DDX4: variants seen among roughly 807,000 people sequenced by gnomAD.
DDX4 encodes the protein DEAD-box helicase 4, also known as probable ATP-dependent RNA helicase DDX4.
DDX4 carries 25 observed loss-of-function variants against 100.0 expected under a neutral mutation model. The ratio of observed to expected loss-of-function variants is 0.25; its 90% CI spans 0.18 to 0.35. DDX4 has a LOEUF of 0.35. Ranked by LOEUF, DDX4 falls within the 10% of genes least tolerant of loss-of-function variation. DDX4 has a pLI of 1.00. For missense variants in DDX4, 635 were observed against 882.4 expected (o/e 0.72, Z 3.55); for synonymous variants, 259 against 275.7 (o/e 0.94, Z 0.60).
intron 17 of DDX4, among the ~76,000 whole-genome samples, chr5:55,796,785 C>T (rs1742968103): frequency 7.1e-6 from 1 of 141,750 alleles, no homozygotes; most frequent in Non-Finnish European, 1.5e-5. Flanking sequence ...GATCAAGCTT[C>T]AAACTTGAAG....
chr5:55,785,479 A>G lies in DDX4; in HGVS notation c.706A>G (p.Ser236Gly). 6.2e-7 allele frequency: 1 copy of G among 1,606,202 alleles called. No individual in the cohort carries two copies. Among genetic ancestry groups the G allele is most frequent in the African/African-American group, 1.3e-5 (1 of 74,824 alleles). The change falls in exon 12 of 22, where the codon AGT becomes GGT. Residue 236 changes from serine to glycine, a missense_variant. Physicochemically the swap from Ser to Gly is moderately conservative, Grantham distance 56. Transcript: ENST00000505374. ...SWKSEAEGGE[S>G]SDTQGPKVTY... is the part of the protein sequence containing the mutation. ...GAAGTCAGAAGCAGAAGGAGGAGAA[A>G]GTAGTGATACTCAAGGTATATTAAC...
chr5:55,760,251 C>T lies in DDX4; in HGVS notation c.179C>T (p.Ala60Val). The change falls in exon 4 of 22, where the codon GCC becomes GTC. Residue 60 changes from alanine (A) to valine (V), a missense_variant. By Grantham distance (64) the Ala-to-Val change is moderately conservative (BLOSUM62 0). Transcript: ENST00000505374. ...GATCATTTCATGAAAAGTGGATTTG[C>T]CTCTGGGCGGAATTTTGGAAACAGA... ...RRDHFMKSGF[A>V]SGRNFGNRDA... 6.4e-7 allele frequency: 1 copy of T among 1,570,244 alleles called. No individual in the cohort carries two copies. The highest frequency in any genetic ancestry group is 8.6e-7 in the Non-Finnish European group (1 of 1,163,954).
intron 15 of DDX4, among the ~76,000 whole-genome samples, chr5:55,790,294 G>A (rs1346662538): frequency 6.6e-6 from 1 of 151,828 alleles, no homozygotes; most frequent in East Asian, 1.9e-4. Flanking sequence ...ATAGGCGCAT[G>A]CTACCATGCC....
chr5:55,802,685 T>C (rs971323568), intron 18 of DDX4, among the ~76,000 whole-genome samples: 3 of 152,220 alleles, frequency 2.0e-5, no homozygotes, highest in African/African-American at 7.2e-5. Flanking sequence ...CTTTAGGACA[T>C]AGACTCTGAT....
At chr5:55,742,923 TCAGA>T (rs900641416) in intron 2 of DDX4, among the ~76,000 whole-genome samples, 10 of 152,100 alleles carry the variant, frequency 6.6e-5, no homozygotes, top group East Asian at 3.8e-4. Context: ...AAGGCTTCTC[TCAGA>T]CAGTGACTCA....
At chr5:55,796,341 G>A (rs995703197) in intron 17 of DDX4, among the ~76,000 whole-genome samples, 1 of 152,062 alleles carries the variant, frequency 6.6e-6, no homozygotes, top group African/African-American at 2.4e-5. Context: ...TAACCATTAC[G>A]GTAGTAATCT....
At chr5:55,742,129 C>T (rs1262386467) in intron 2 of DDX4, 1 of 455,702 alleles carries the variant, frequency 2.2e-6, no homozygotes, top group South Asian at 1.6e-5. Context: ...AATAGAACAG[C>T]GAAAGATGTG....
chr5:55,744,515 T>A (rs1759151081), intron 2 of DDX4, among the ~76,000 whole-genome samples: 1 of 152,250 alleles, frequency 6.6e-6, no homozygotes. Context: ...TTGTCATTAA[T>A]CTAGAGCTAT....
At chr5:55,784,940 A>G (rs183327455) in intron 10 of DDX4, among the ~76,000 whole-genome samples, 5 of 152,342 alleles carry the variant, frequency 3.3e-5, no homozygotes, top group Admixed American at 3.3e-4. Flanking sequence ...CATAACCATG[A>G]GTATGACTAT....
chr5:55,751,802 TTAAA>T (rs1183667265), intron 3 of DDX4, among the ~76,000 whole-genome samples: 2 of 152,240 alleles, frequency 1.3e-5, no homozygotes, highest in Admixed American at 6.5e-5. Context: ...TCTGAAGTTA[TTAAA>T]TAATTTTTTT....
chr5:55,773,395 T>C (rs1005465592), intron 7 of DDX4, among the ~76,000 whole-genome samples: 1 of 152,272 alleles, frequency 6.6e-6, no homozygotes, highest in Non-Finnish European at 1.5e-5. Context: ...TTTTCATTTT[T>C]CTGGAGTATA....
chr5:55,791,661 A>G (rs6896208), intron 16 of DDX4, among the ~76,000 whole-genome samples: 10,451 of 152,234 alleles, frequency 0.069, 559 homozygotes, highest in African/African-American at 0.15. Flanking sequence ...AACTTTATCA[A>G]ATACTATAAT....
chr5:55,815,534 G>A, intron 21 of DDX4, 111 bp downstream of exon 21: 1 of 1,350,940 alleles, frequency 7.4e-7, no homozygotes, highest in Non-Finnish European at 9.6e-7. Context: ...TTGTTTTCGT[G>A]CCTGGAAGGT....
At chr5:55,801,915 G>C (rs1743340604) in intron 18 of DDX4, among the ~76,000 whole-genome samples, 1 of 152,128 alleles carries the variant, frequency 6.6e-6, no homozygotes, top group African/African-American at 2.4e-5. Context: ...CTCTACGAAA[G>C]GTCCCCCATA....
chr5:55,804,055 C>G (rs1743523386), intron 18 of DDX4, among the ~76,000 whole-genome samples: 1 of 151,522 alleles, frequency 6.6e-6, no homozygotes, highest in South Asian at 2.1e-4. Flanking sequence ...TTTTGATTTG[C>G]ATTTCTCTGA....
intron 7 of DDX4, chr5:55,768,234 A>G (rs1426959209): frequency 5.4e-6 from 2 of 372,672 alleles, no homozygotes; most frequent in Admixed American, 3.8e-5. Flanking sequence ...TCACCCAGAT[A>G]ATAAGCATAG....
At chr5:55,774,000 T>A (rs1741409120) in intron 7 of DDX4, among the ~76,000 whole-genome samples, 1 of 152,168 alleles carries the variant, frequency 6.6e-6, no homozygotes, top group South Asian at 2.1e-4. Context: ...TGACCATTTG[T>A]ATATCTTTGG....
chr5:55,783,666 GATGGATGGATGAATGGATGGATGA>G (rs1352424756), intron 10 of DDX4, among the ~76,000 whole-genome samples: 247 of 125,494 alleles, frequency 2.0e-3, no homozygotes, highest in East Asian at 0.016. Flanking sequence ...TGGATGGATG[GATGGATGGATGAATGGATGGATGA>G]ATGGATGGAT....
At chr5:55,776,823 GA>G (rs896459534) in intron 7 of DDX4, among the ~76,000 whole-genome samples, 4 of 151,234 alleles carry the variant, frequency 2.6e-5, no homozygotes, top group Admixed American at 6.6e-5. Flanking sequence ...AATGAGGAGC[GA>G]AAAAAAAGAT....
Sources: allele counts gnomAD v4.1 joint callset (sites outside exome capture counted in the v4.1 genomes callset), GRCh38; gene constraint gnomAD v4.1.1; transcripts MANE v1.5; gene names NCBI Gene and HGNC (gene_info 2026-07-23, HGNC 2026-07-21).